SCAMP4: variants seen among roughly 807,000 people sequenced by gnomAD.
SCAMP4 encodes secretory carrier-associated membrane protein 4.
Under a neutral mutation model 32.1 loss-of-function variants are expected in SCAMP4, and 19 were observed. That is an observed-to-expected ratio of 0.59 (90% CI 0.41 to 0.87). The LOEUF is 0.87. Among genes scored for constraint, SCAMP4 ranks in the 40% least tolerant of loss-of-function variants. The pLI, the probability that SCAMP4 is intolerant of heterozygous loss-of-function variation, is 0.00. For synonymous variants in SCAMP4, 152 were observed against 132.7 expected (o/e 1.15, Z -1.00); for missense variants, 302 against 309.0 (o/e 0.98, Z 0.17).
intron 6 of SCAMP4, 27 bp from the exon 7 acceptor site, chr19:1,924,081 C>T (rs1453078386): frequency 5.8e-6 from 9 of 1,560,860 alleles, no homozygotes; most frequent in Admixed American, 1.8e-5. Flanking sequence ...TTTCTGTCTT[C>T]TGCCTCCCTG....
At position 1,921,218 on chromosome 19, in the gene SCAMP4, T is replaced by A. The variant is rs2013910075; in HGVS notation, c.396-1852T>A. 1.1e-5 allele frequency: 11 copies of A among 984,724 alleles called. No individual in the cohort carries two copies. The South Asian group carries it at 1.4e-4, about 13-fold the overall frequency. The allele number at this position is 984,724 out of a possible 1,614,324, so 61.0% of individuals were successfully genotyped here. A position where few individuals can be genotyped will look rare whatever the true frequency, so the allele number is the denominator to read the frequency against. On this transcript the variant is annotated intron_variant, in intron 5 of 6. Coordinates refer to ENST00000316097, the MANE Select transcript of SCAMP4 (RefSeq NM_079834.4). Reference sequence around the variant, plus strand: ...TCACCAGCGCCACCTCCCCACACACTCTGTGCACTGCTGTGGGGCAAGAGG... The same window carrying A: ...TCACCAGCGCCACCTCCCCACACACACTGTGCACTGCTGTGGGGCAAGAGG...
At chr19:1,915,345 C>T (rs1199689792) in intron 2 of SCAMP4, 2 of 456,568 alleles carry the variant, frequency 4.4e-6, no homozygotes, top group Non-Finnish European at 8.0e-6. Context: ...CCCTCACCCA[C>T]TCATTTACTG....
intron 5 of SCAMP4, chr19:1,921,668 G>C (rs962190720): frequency 1.0e-6 from 1 of 985,270 alleles, no homozygotes; most frequent in African/African-American, 1.7e-5. Flanking sequence ...CATCCAAACA[G>C]AGGTTTACTT....
chr19:1,905,519 C>T (rs1261565198), intron 1 of SCAMP4, 80 bp downstream of exon 1: 9 of 371,122 alleles, frequency 2.4e-5, no homozygotes, highest in Non-Finnish European at 4.7e-5. Flanking sequence ...CATGGGGGGT[C>T]TCGGCGGTGA....
In SCAMP4 at chr19:1,918,282, C is replaced by A. The variant is rs542238969; in HGVS notation, c.292C>A (p.Arg98=). ...GTTCCGGCCTGTCTACAAGGCCTTC[C>A]GGTGAGCAGAGCTGCCGGGGGCCGT... ...CWFRPVYKAF[R]ADSSFNFMAF... is the part of the protein sequence containing the mutation. The change falls in exon 4 of 7, where the codon CGA becomes AGA. Residue 98 remains arginine, a splice_region_variant and synonymous_variant. Transcript: ENST00000316097. 3.1e-6 allele frequency: 5 copies of A among 1,597,564 alleles called. No individual in the cohort carries two copies. Among genetic ancestry groups the A allele is most frequent in the East Asian group, 4.5e-5 (2 of 44,606 alleles).
At position 1,908,077 on chromosome 19, in the gene SCAMP4, C is replaced by T. The variant is rs1016721774; in HGVS notation, c.-42+2638C>T. 5.7e-6 allele frequency: 1 copy of T among 174,724 alleles called. No homozygotes were observed. The highest frequency in any genetic ancestry group is 2.4e-5 in the African/African-American group (1 of 41,488). The allele number at this position is 174,724 out of a possible 1,614,324, so 10.8% of individuals were successfully genotyped here. ...GAGGGACAAGCGAGGCTGTGTTTGT[C>T]TTTTACCCTGGAGACAGTGGAGTGT... is the stretch of plus-strand genomic sequence containing the variant. On this transcript the variant is annotated intron_variant, in intron 1 of 6. Transcript: ENST00000316097. The surrounding 1 kb of genome is among the most constrained non-coding windows in gnomAD (Gnocchi z 4.2).
At chr19:1,922,640 C>T in intron 5 of SCAMP4, 20 of 986,518 alleles carry the variant, frequency 2.0e-5, no homozygotes, top group Non-Finnish European at 2.4e-5. Flanking sequence ...CAGTTCCCAT[C>T]ATTAGACACA....
intron 1 of SCAMP4, chr19:1,913,110 G>C (rs750059837): frequency 4.4e-6 from 7 of 1,591,742 alleles, no homozygotes; most frequent in African/African-American, 2.7e-5. Flanking sequence ...GTTCCGCGGG[G>C]TGCTGGAGGA....
At chr19:1,912,586 T>C in intron 1 of SCAMP4, 1 of 1,494,860 alleles carries the variant, frequency 6.7e-7, no homozygotes, top group East Asian at 2.8e-5. Context: ...GCTGGGCGGC[T>C]CTTCTCCACG....
At chr19:1,910,078 A>C (rs1299342991) in intron 1 of SCAMP4, among the ~76,000 whole-genome samples, 1 of 152,202 alleles carries the variant, frequency 6.6e-6, no homozygotes, top group African/African-American at 2.4e-5. Context: ...ACTGCATAGC[A>C]GACTCCGTGC....
Position 1,918,997 on chromosome 19 carries a change from C to T in SCAMP4, c.395+7C>T. On this transcript the variant is annotated splice_region_variant and intron_variant, in intron 5 of 6. Transcript: ENST00000316097. The stretch of plus-strand genomic sequence containing the variant: ...TCTCCGGCTGGGGCGCGTGGTAAGC[C>T]TCTCTCTGATGGGCGTGGTGGCTGT... The T allele has an allele frequency of 1.2e-6, 2 of 1,600,138 alleles. No homozygotes were observed. The highest frequency in any genetic ancestry group is 1.7e-6 in the Non-Finnish European group (2 of 1,173,464).
chr19:1,920,381 T>A, intron 5 of SCAMP4: 1 of 839,844 alleles, frequency 1.2e-6, no homozygotes, highest in Non-Finnish European at 1.4e-6. Context: ...AGGTCCCAGG[T>A]TTCCTGGGAT....
intron 1 of SCAMP4, among the ~76,000 whole-genome samples, chr19:1,909,513 A>G (rs760546263): frequency 6.6e-5 from 10 of 152,054 alleles, no homozygotes; most frequent in Non-Finnish European, 8.8e-5. Context: ...TGCCAGCAGC[A>G]GGGATGGTAA....
intron 5 of SCAMP4, chr19:1,921,239 A>G: frequency 1.0e-6 from 1 of 985,116 alleles, no homozygotes; most frequent in East Asian, 1.1e-4. Flanking sequence ...CTGTGGGGCA[A>G]GAGGCGACAG....
At chr19:1,912,821 C>T in intron 1 of SCAMP4, 1 of 1,589,796 alleles carries the variant, frequency 6.3e-7, no homozygotes, top group Non-Finnish European at 8.5e-7. Flanking sequence ...GCACCTACGA[C>T]TTCAGACCCT....
chr19:1,916,094 T>C (rs1568769611), intron 2 of SCAMP4, among the ~76,000 whole-genome samples: 1 of 151,002 alleles, frequency 6.6e-6, no homozygotes, highest in Non-Finnish European at 1.5e-5. Flanking sequence ...AAATATTAGC[T>C]GGGCATGGTG....
At chr19:1,915,205 AG>A (rs2013690831) in intron 2 of SCAMP4, among the ~76,000 whole-genome samples, 179 bp downstream of exon 2, 1 of 152,154 alleles carries the variant, frequency 6.6e-6, no homozygotes, top group South Asian at 2.1e-4. Flanking sequence ...CTGGGGGCAA[AG>A]GACAGCAGAG....
chr19:1,922,051 A>C, intron 5 of SCAMP4: 2 of 985,422 alleles, frequency 2.0e-6, no homozygotes, highest in Non-Finnish European at 2.4e-6. Context: ...AGCAGGAGAG[A>C]GACTGTACGT....
intron 5 of SCAMP4, chr19:1,920,060 C>T (rs1825259120): frequency 1.3e-6 from 1 of 780,948 alleles, no homozygotes; most frequent in Non-Finnish European, 1.6e-6. Flanking sequence ...ATCCACCCGC[C>T]TCGGCCTCCC....
Sources: gnomAD v4.1 joint callset for allele counts (sites outside exome capture counted in the v4.1 genomes callset) on GRCh38, gnomAD v4.1.1 for gene constraint, Gnocchi (gnomAD v3.1) non-coding constraint, MANE v1.5 for transcripts, NCBI Gene and HGNC (gene_info 2026-07-23, HGNC 2026-07-21) for gene names.